Variants in CDH23 observed in about 807,000 individuals in gnomAD.
The protein encoded by CDH23 is cadherin-23.
CDH23 carries 189 observed loss-of-function variants against 317.1 expected under a neutral mutation model. The observed-to-expected ratio is 0.60, with a 90% CI of 0.53 to 0.67. The LOEUF is 0.67. Ranked by LOEUF, CDH23 falls within the 30% of genes least tolerant of loss-of-function variation. The probability of loss-of-function intolerance (pLI) is 0.00; values close to 1 mark genes in which losing one functional copy is unlikely to be tolerated. For missense variants in CDH23, 4,401 were observed against 4,592.4 expected (o/e 0.96, Z 1.20); for synonymous variants, 1,839 against 1,876.8 (o/e 0.98, Z 0.52).
At chr10:71,771,141 C>A (rs1376467928) in intron 38 of CDH23, among the ~76,000 whole-genome samples, 1 of 152,160 alleles carries the variant, frequency 6.6e-6, no homozygotes, top group African/African-American at 2.4e-5. Flanking sequence ...GAGGACAGGG[C>A]AAGGACAGTA....
chr10:71,421,157 AT>A (rs1848796017), intron 1 of CDH23, among the ~76,000 whole-genome samples: 1 of 152,208 alleles, frequency 6.6e-6, no homozygotes, highest in Admixed American at 6.5e-5. Context: ...GAAGCCTGTG[AT>A]CCCCTCTTTG....
intron 6 of CDH23, among the ~76,000 whole-genome samples, chr10:71,521,399 A>G (rs1040975142): frequency 1.3e-4 from 20 of 152,164 alleles, no homozygotes; most frequent in Non-Finnish European, 2.9e-5. Context: ...CTGAGCCCAC[A>G]CTTCCCACCA....
chr10:71,605,479 A>G (rs1444265866), intron 9 of CDH23, among the ~76,000 whole-genome samples: 3 of 152,212 alleles, frequency 2.0e-5, no homozygotes, highest in Non-Finnish European at 4.4e-5. Context: ...ACTGCCTCCC[A>G]CAACAAAGAA....
At chr10:71,545,964 A>G (rs1856256530) in intron 6 of CDH23, among the ~76,000 whole-genome samples, 1 of 152,120 alleles carries the variant, frequency 6.6e-6, no homozygotes, top group South Asian at 2.1e-4. Flanking sequence ...CGAGGGAAGT[A>G]CCAGGGCCAA....
intron 11 of CDH23, 189 bp downstream of exon 11, chr10:71,617,582 C>T: frequency 3.6e-6 from 5 of 1,406,582 alleles, no homozygotes; most frequent in Non-Finnish European, 4.7e-6. Context: ...ATCCCCTACA[C>T]CCTGCAAAAA....
intron 3 of CDH23, among the ~76,000 whole-genome samples, chr10:71,450,625 C>A (rs560168836): frequency 6.6e-6 from 1 of 152,324 alleles, no homozygotes; most frequent in South Asian, 2.1e-4. Context: ...CCAACCACCT[C>A]TGTGTTGCTA....
At chr10:71,799,830 C>G (rs1182654598) in intron 52 of CDH23, among the ~76,000 whole-genome samples, 1 of 152,218 alleles carries the variant, frequency 6.6e-6, no homozygotes, top group Non-Finnish European at 1.5e-5. Flanking sequence ...TCTGTCTCAA[C>G]AGATGTTTAA....
In CDH23 at chr10:71,732,188, A is replaced by G. The variant is rs2132825276; in HGVS notation, c.3917A>G (p.Glu1306Gly). ...AGCGTCTACATCACTCTGCTCAACG[A>G]GCTGGACGAGGCCGTGCAGTTCTCC... ...FCSVYITLLN[E>G]LDEAVQFSNA... is the part of the protein sequence containing the mutation. Residue 1306 changes from glutamate (E) to glycine (G), a missense_variant, in exon 32 of 70, where the codon GAG (glutamate) becomes GGG (glycine). Glu to Gly is a moderately conservative substitution (Grantham distance 98). Coordinates refer to ENST00000224721, the MANE Select transcript of CDH23 (RefSeq NM_022124.6). 6.2e-7 allele frequency: 1 copy of G among 1,613,882 alleles called. No individual in the cohort carries two copies. Among genetic ancestry groups the G allele is most frequent in the Middle Eastern group, 1.6e-4 (1 of 6,062 alleles).
chr10:71,566,326 C>A (rs917758406), intron 6 of CDH23, among the ~76,000 whole-genome samples: 1 of 152,132 alleles, frequency 6.6e-6, no homozygotes, highest in African/African-American at 2.4e-5. Flanking sequence ...GTAAAGAGCA[C>A]CCCTGTGTTA....
intron 38 of CDH23, among the ~76,000 whole-genome samples, chr10:71,765,423 C>T (rs990216569): frequency 2.9e-4 from 44 of 152,314 alleles, no homozygotes; most frequent in African/African-American, 9.9e-4. Flanking sequence ...CAAAGCTGAG[C>T]TGGGTGGGGT....
Position 71,751,303 on chromosome 10 carries a change from G to A in CDH23, c.4845+9382G>A. ...TCAGGGACAGGGTCTGCAAGAAAAGGAGAAGCAAAGTGAACGGGGCCCCTC... is the reference window on the plus strand; with the variant it reads ...TCAGGGACAGGGTCTGCAAGAAAAGAAGAAGCAAAGTGAACGGGGCCCCTC... On this transcript the variant is annotated intron_variant, in intron 38 of 69. Transcript: ENST00000224721. The surrounding 1 kb of genome is among the most constrained non-coding windows in gnomAD (Gnocchi z 4.9). 2 of 1,609,300 alleles carry A rather than the reference G, an allele frequency of 1.2e-6. No homozygotes were observed. The highest frequency in any genetic ancestry group is 1.7e-6 in the Non-Finnish European group (2 of 1,177,440).
intron 3 of CDH23, among the ~76,000 whole-genome samples, chr10:71,452,406 G>A (rs959928380): frequency 8.6e-5 from 13 of 152,034 alleles, no homozygotes; most frequent in Non-Finnish European, 1.8e-4. Flanking sequence ...TCAGCGAGTC[G>A]CCCCCACTCT....
chr10:71,655,180 G>A (rs937239418), intron 14 of CDH23, among the ~76,000 whole-genome samples: 5 of 152,158 alleles, frequency 3.3e-5, no homozygotes, highest in Non-Finnish European at 4.4e-5. Flanking sequence ...CCGTGACTGG[G>A]AAGTGAAAAG....
At chr10:71,749,857 A>T (rs1196434617) in intron 38 of CDH23, 1 of 146,290 alleles carries the variant, frequency 6.8e-6, no homozygotes, top group Non-Finnish European at 1.5e-5. Flanking sequence ...GCCTAGCCCC[A>T]AATCCTGGCT....
At chr10:71,702,244 C>T (rs1865617687) in intron 23 of CDH23, 33 bp downstream of exon 23, 2 of 1,600,734 alleles carry the variant, frequency 1.2e-6, no homozygotes, top group Non-Finnish European at 1.7e-6. Context: ...ACGGCCCCCA[C>T]ACCTTAGGCT....
intron 6 of CDH23, among the ~76,000 whole-genome samples, chr10:71,540,983 C>G (rs1228005826): frequency 6.6e-6 from 1 of 152,030 alleles, no homozygotes; most frequent in Non-Finnish European, 1.5e-5. Flanking sequence ...CCCTACCCAA[C>G]TCCATCCCTC....
intron 20 of CDH23, among the ~76,000 whole-genome samples, chr10:71,693,414 G>A (rs1865258291): frequency 6.6e-6 from 1 of 151,972 alleles, no homozygotes; most frequent in African/African-American, 2.4e-5. Context: ...TTGTTTAATT[G>A]TTCAGATTTA....
intron 9 of CDH23, among the ~76,000 whole-genome samples, chr10:71,579,037 G>A (rs1352276297): frequency 6.6e-6 from 1 of 152,172 alleles, no homozygotes; most frequent in African/African-American, 2.4e-5. Context: ...CCATAAAATT[G>A]GAGCAACAAG....
At chr10:71,418,062 G>C (rs1848606197) in intron 1 of CDH23, among the ~76,000 whole-genome samples, 1 of 152,024 alleles carries the variant, frequency 6.6e-6, no homozygotes, top group South Asian at 2.1e-4. Flanking sequence ...GAAGTTTCTA[G>C]TTCCTTGGTG....
Sources: allele counts gnomAD v4.1 joint callset (sites outside exome capture counted in the v4.1 genomes callset), GRCh38; gene constraint gnomAD v4.1.1; non-coding constraint Gnocchi (gnomAD v3.1); transcripts MANE v1.5; gene names NCBI Gene and HGNC (gene_info 2026-07-23, HGNC 2026-07-21).